Variants in ZNF804B observed in about 807,000 individuals in gnomAD.
ZNF804B encodes zinc finger 804B.
Under a neutral mutation model 101.4 loss-of-function variants are expected in ZNF804B, and 80 were observed. That is an observed-to-expected ratio of 0.79 (90% CI 0.66 to 0.95). ZNF804B has a LOEUF of 0.95. Ranked by LOEUF, ZNF804B falls within the 40% of genes least tolerant of loss-of-function variation. ZNF804B has a pLI of 0.00. For missense variants in ZNF804B, 1,673 were observed against 1,561.9 expected (o/e 1.07, Z -1.20); for synonymous variants, 622 against 558.8 (o/e 1.11, Z -1.59).
intron 2 of ZNF804B, among the ~76,000 whole-genome samples, chr7:89,297,773 A>G (rs1485451041): frequency 6.6e-6 from 1 of 151,982 alleles, no homozygotes; most frequent in Admixed American, 6.6e-5. Flanking sequence ...AGGATATTGG[A>G]GACCTTTAAG....
At chr7:88,902,295 C>A (rs1360221636) in intron 1 of ZNF804B, among the ~76,000 whole-genome samples, 2 of 151,958 alleles carry the variant, frequency 1.3e-5, no homozygotes, top group Non-Finnish European at 2.9e-5. Context: ...TTATGCATAT[C>A]TGTTTTTCCA....
chr7:89,304,529 A>G (rs938876521), intron 2 of ZNF804B, among the ~76,000 whole-genome samples: 16 of 150,904 alleles, frequency 1.1e-4, no homozygotes, highest in Non-Finnish European at 2.4e-4. Flanking sequence ...ATGTGTGTGT[A>G]TGTGTGTGTG....
chr7:89,127,067 T>A (rs10263540), intron 1 of ZNF804B, among the ~76,000 whole-genome samples: 1 of 151,840 alleles, frequency 6.6e-6, no homozygotes, highest in Non-Finnish European at 1.5e-5. Context: ...TACCTGATCA[T>A]TTCTGGAAAA....
intron 2 of ZNF804B, among the ~76,000 whole-genome samples, chr7:89,283,022 A>T (rs1382346254): frequency 6.6e-6 from 1 of 152,232 alleles, no homozygotes; most frequent in Non-Finnish European, 1.5e-5. Flanking sequence ...TAATACAATA[A>T]GAGATACAGC....
chr7:89,263,183 T>C (rs1789736373), intron 2 of ZNF804B, among the ~76,000 whole-genome samples: 1 of 152,176 alleles, frequency 6.6e-6, no homozygotes, highest in Non-Finnish European at 1.5e-5. Context: ...TTAATATTCC[T>C]ACCTCGGGAC....
intron 2 of ZNF804B, among the ~76,000 whole-genome samples, chr7:89,293,226 T>C (rs1790324664): frequency 6.6e-6 from 1 of 152,106 alleles, no homozygotes; most frequent in Non-Finnish European, 1.5e-5. Context: ...TTTAGCTTTT[T>C]TGAAATGTAT....
chr7:88,995,751 G>A (rs1429522924), intron 1 of ZNF804B, among the ~76,000 whole-genome samples: 4 of 152,060 alleles, frequency 2.6e-5, no homozygotes, highest in Middle Eastern at 3.4e-3. Context: ...AACACCACCC[G>A]ATCAAAGTGA....
chr7:88,978,802 G>C lies in ZNF804B; in HGVS notation c.108+218718G>C, dbSNP rs35301516. Among the ~76,000 whole-genome samples, 212 of 133,016 alleles carry C rather than the reference G, an allele frequency of 1.6e-3. 2 individuals are homozygous for C. Among genetic ancestry groups the C allele is most frequent in the African/African-American group, 5.5e-3 (195 of 35,328 alleles). The allele number at this position is 133,016 out of a possible 152,430, so 87.3% of individuals were successfully genotyped here. A position where few individuals can be genotyped will look rare whatever the true frequency, so the allele number is the denominator to read the frequency against. Reference sequence around the variant, plus strand: ...TCCCTTCCTCCCTCTCTCCCTCCCTGCCTCCCTCCCTCCCTCCCTCCTTCC... The same window carrying C: ...TCCCTTCCTCCCTCTCTCCCTCCCTCCCTCCCTCCCTCCCTCCCTCCTTCC... On this transcript the variant is annotated intron_variant, in intron 1 of 3. Transcript: ENST00000333190.
rs200482259 is a variant in ZNF804B, at chr7:88,845,297, G to GCACACACACACA, written c.108+85214_108+85215insACACACACACAC. 9.0e-3 allele frequency among the ~76,000 whole-genome samples: 1,077 copies of GCACACACACACA among 119,868 alleles called. 12 individuals are homozygous for GCACACACACACA. The highest frequency in any genetic ancestry group is 0.029 in the African/African-American group (917 of 31,638). The allele number at this position is 119,868 out of a possible 152,430, so 78.6% of individuals were successfully genotyped here. A position where few individuals can be genotyped will look rare whatever the true frequency, so the allele number is the denominator to read the frequency against. On this transcript the variant is annotated intron_variant, in intron 1 of 3. Coordinates refer to ENST00000333190, the MANE Select transcript of ZNF804B (RefSeq NM_181646.5). ...TGTGTGCGCACGCGCGCGCGCACGC[G>GCACACACACACA]CGCGCACACACACACACACACACAA...
At chr7:88,956,228 C>T (rs1350234657) in intron 1 of ZNF804B, among the ~76,000 whole-genome samples, 2 of 151,400 alleles carry the variant, frequency 1.3e-5, no homozygotes, top group Non-Finnish European at 3.0e-5. Context: ...GCAATCCCAG[C>T]ATTAGGTATT....
intron 1 of ZNF804B, among the ~76,000 whole-genome samples, chr7:89,112,552 T>A (rs1408966369): frequency 6.6e-6 from 1 of 152,212 alleles, no homozygotes; most frequent in Admixed American, 6.5e-5. Flanking sequence ...TTGGTTTTTG[T>A]CAGTCTTCCA....
chr7:88,787,220 C>T (rs1790315315), intron 1 of ZNF804B, among the ~76,000 whole-genome samples: 1 of 152,096 alleles, frequency 6.6e-6, no homozygotes, highest in Non-Finnish European at 1.5e-5. Context: ...GCAAAGTAAG[C>T]ATGGATCAGA....
At chr7:89,162,669 T>TATTATA (rs1791084708) in intron 1 of ZNF804B, among the ~76,000 whole-genome samples, 2 of 151,290 alleles carry the variant, frequency 1.3e-5, no homozygotes, top group Non-Finnish European at 3.0e-5. Flanking sequence ...TTATTATTAT[T>TATTATA]ATACTTTAAG....
At chr7:89,105,702 T>C (rs1438484807) in intron 1 of ZNF804B, among the ~76,000 whole-genome samples, 1 of 152,056 alleles carries the variant, frequency 6.6e-6, no homozygotes, top group Non-Finnish European at 1.5e-5. Context: ...GTGTTGGGTG[T>C]TCCCCAATTC....
intron 1 of ZNF804B, among the ~76,000 whole-genome samples, chr7:89,131,823 T>C (rs976543735): frequency 3.3e-5 from 5 of 152,114 alleles, no homozygotes; most frequent in East Asian, 1.9e-4. Flanking sequence ...TTAGGATTTG[T>C]CTGAGTTTGA....
chr7:89,228,802 C>A (rs780382192), intron 2 of ZNF804B, among the ~76,000 whole-genome samples: 1 of 152,158 alleles, frequency 6.6e-6, no homozygotes, highest in Non-Finnish European at 1.5e-5. Flanking sequence ...TGGGACTGGG[C>A]GCTATGGAGC....
intron 1 of ZNF804B, among the ~76,000 whole-genome samples, chr7:89,025,176 CTCAGAG>C (rs1788730317): frequency 6.6e-6 from 1 of 152,020 alleles, no homozygotes; most frequent in South Asian, 2.1e-4. Flanking sequence ...GTTAGCAGAA[CTCAGAG>C]TCAGAGATGT....
At chr7:89,014,228 T>C (rs530138311) in intron 1 of ZNF804B, among the ~76,000 whole-genome samples, 1 of 152,330 alleles carries the variant, frequency 6.6e-6, no homozygotes, top group Non-Finnish European at 1.5e-5. Context: ...TTTTTTCTTT[T>C]TGATAATAGC....
chr7:88,933,524 G>T (rs1383528554), intron 1 of ZNF804B, among the ~76,000 whole-genome samples: 6 of 151,850 alleles, frequency 4.0e-5, no homozygotes, highest in East Asian at 1.9e-4. Flanking sequence ...TGATATGATT[G>T]TATACCTAGA....
Sources: gnomAD v4.1 joint callset for allele counts (sites outside exome capture counted in the v4.1 genomes callset) on GRCh38, gnomAD v4.1.1 for gene constraint, MANE v1.5 for transcripts, NCBI Gene and HGNC (gene_info 2026-07-23, HGNC 2026-07-21) for gene names.